Variants in GPR137C observed in about 807,000 individuals in gnomAD.
GPR137C encodes integral membrane protein GPR137C.
In GPR137C, 27 loss-of-function variants were observed where a neutral mutation model predicts 43.4. The observed-to-expected ratio is 0.62, with a 90% CI of 0.46 to 0.86. GPR137C has a LOEUF of 0.86. Ranked by LOEUF, GPR137C falls within the 40% of genes least tolerant of loss-of-function variation. The probability of loss-of-function intolerance (pLI) is 0.00; values close to 1 mark genes in which losing one functional copy is unlikely to be tolerated. For missense variants in GPR137C, 522 were observed against 534.6 expected (o/e 0.98, Z 0.23); for synonymous variants, 285 against 226.9 (o/e 1.26, Z -2.30).
chr14:52,567,461 TTACTG>T (rs1411612348), intron 1 of GPR137C, among the ~76,000 whole-genome samples: 2 of 152,172 alleles, frequency 1.3e-5, no homozygotes, highest in African/African-American at 4.8e-5. Flanking sequence ...CTTTATTTCT[TTACTG>T]TATGATTAAG....
intron 4 of GPR137C, among the ~76,000 whole-genome samples, chr14:52,633,316 A>C (rs2039314810): frequency 6.6e-6 from 1 of 152,120 alleles, no homozygotes; most frequent in Non-Finnish European, 1.5e-5. Context: ...TGAAAAAATT[A>C]ACTGCTTTTT....
chr14:52,603,535 G>T (rs1057457808), intron 3 of GPR137C, among the ~76,000 whole-genome samples: 1 of 151,982 alleles, frequency 6.6e-6, no homozygotes, highest in East Asian at 1.9e-4. Flanking sequence ...GCTTTTTGGG[G>T]TTGTTTGTTT....
chr14:52,553,598 C>G lies in GPR137C; in HGVS notation c.444+7C>G, dbSNP rs2038132847. ...CAACCTCTACCTGGCGGAGGTAAGG[C>G]GGGAGGGCCGGCATGCGGGGCCCGG... is the stretch of plus-strand genomic sequence containing the variant. On this transcript the variant is annotated splice_region_variant and intron_variant, in intron 1 of 6. Transcript: ENST00000321662. 7 of 1,535,288 alleles carry G rather than the reference C, an allele frequency of 4.6e-6. No individual in the cohort carries two copies. Among genetic ancestry groups the G allele is most frequent in the Non-Finnish European group, 5.3e-6 (6 of 1,135,968 alleles).
intron 3 of GPR137C, among the ~76,000 whole-genome samples, chr14:52,610,929 T>C (rs958754137): frequency 2.6e-5 from 4 of 152,236 alleles, no homozygotes; most frequent in African/African-American, 4.8e-5. Flanking sequence ...TGTTTACTTA[T>C]AATCTTTTAG....
chr14:52,556,473 CAG>C (rs1384859417), intron 1 of GPR137C, among the ~76,000 whole-genome samples: 1 of 147,954 alleles, frequency 6.8e-6, no homozygotes. Context: ...TTAAGCTTCT[CAG>C]TGTCTCATAC....
intron 3 of GPR137C, chr14:52,612,033 C>G: frequency 1.0e-6 from 1 of 985,162 alleles, no homozygotes; most frequent in South Asian, 4.7e-5. Context: ...TTTTGGTTTT[C>G]TTTTGTTTTT....
At chr14:52,598,360 C>A in intron 2 of GPR137C, 45 bp downstream of exon 2, 1 of 775,488 alleles carries the variant, frequency 1.3e-6, no homozygotes, top group Non-Finnish European at 2.1e-6. Context: ...AGATCTAAAG[C>A]ATTAATTCAT....
chr14:52,566,734 T>G (rs2038375984), intron 1 of GPR137C, among the ~76,000 whole-genome samples: 1 of 152,188 alleles, frequency 6.6e-6, no homozygotes, highest in African/African-American at 2.4e-5. Flanking sequence ...CTAGAATCAG[T>G]CATGGTTAAA....
chr14:52,593,305 G>A (rs751891655), intron 1 of GPR137C, among the ~76,000 whole-genome samples: 45 of 152,104 alleles, frequency 3.0e-4, no homozygotes, highest in South Asian at 1.7e-3. Context: ...TTTTTGTTGT[G>A]TCTCTGCCAG....
chr14:52,553,199 C>G lies in GPR137C; in HGVS notation c.52C>G (p.Arg18Gly). ...GGCCGCTGCCGCCCCCGCAGCCGGC[C>G]GCGAGCCCTCCACGCCCGGCGGGGG... is the stretch of plus-strand genomic sequence containing the variant. ...PAAAAAPAAG[R>G]EPSTPGGGSG... Residue 18 changes from arginine to glycine, a missense_variant, in exon 1 of 7, where the codon CGC becomes GGC. Around this residue, in one of 3 missense-constraint regions of GPR137C, gnomAD observed 437 missense variants for 425.7 expected, o/e 1.03. Coordinates refer to ENST00000321662, the MANE Select transcript of GPR137C (RefSeq NM_001099652.2). 2.5e-6 allele frequency: 3 copies of G among 1,216,564 alleles called. No homozygotes were observed. The highest frequency in any genetic ancestry group is 3.1e-6 in the Non-Finnish European group (3 of 979,062). The allele number at this position is 1,216,564 out of a possible 1,614,324, so 75.4% of individuals were successfully genotyped here.
intron 1 of GPR137C, among the ~76,000 whole-genome samples, chr14:52,579,487 A>G (rs926678053): frequency 6.6e-6 from 1 of 152,186 alleles, no homozygotes; most frequent in African/African-American, 2.4e-5. Flanking sequence ...AGATTCTGAA[A>G]TCACGTTGTT....
At chr14:52,629,994 T>C (rs1385470495) in intron 3 of GPR137C, among the ~76,000 whole-genome samples, 1 of 152,182 alleles carries the variant, frequency 6.6e-6, no homozygotes. Context: ...TGAGTTGAAT[T>C]GCTTGTTCTG....
chr14:52,564,777 A>G (rs922421256), intron 1 of GPR137C, among the ~76,000 whole-genome samples: 3 of 152,098 alleles, frequency 2.0e-5, no homozygotes, highest in Non-Finnish European at 4.4e-5. Flanking sequence ...TTAACATCTG[A>G]TGTGTATTAG....
intron 3 of GPR137C, chr14:52,612,525 C>T: frequency 5.1e-6 from 5 of 981,652 alleles, no homozygotes; most frequent in Non-Finnish European, 6.0e-6. Context: ...CCTCAGTTTA[C>T]AGAGCACTCA....
intron 1 of GPR137C, among the ~76,000 whole-genome samples, chr14:52,568,642 G>C (rs895269779): frequency 7.9e-5 from 12 of 152,190 alleles, no homozygotes; most frequent in Admixed American, 6.5e-4. Context: ...TGTAGAGTAG[G>C]CGATTTTCCC....
In GPR137C at chr14:52,553,184, G is replaced by T. The variant is rs957747527; in HGVS notation, c.37G>T (p.Ala13Ser). 20 of 1,198,760 alleles carry T rather than the reference G, an allele frequency of 1.7e-5. 1 individual carries two copies. The highest frequency in any genetic ancestry group is 1.1e-4 in the African/African-American group (7 of 62,866). 74.3% of individuals were successfully genotyped at this position (1,198,760 alleles called of 1,614,324 possible). The change falls in exon 1 of 7, where the codon GCC becomes TCC. Residue 13 changes from alanine to serine, a missense_variant. Transcript: ENST00000321662. Reference protein sequence around the residue: ...VSVPGPAAAAAPAAGREPSTP... With the variant: ...VSVPGPAAAASPAAGREPSTP... The stretch of plus-strand genomic sequence containing the variant: ...CGTGCCGGGTCCGGCGGCCGCTGCC[G>T]CCCCCGCAGCCGGCCGCGAGCCCTC...
chr14:52,621,433 A>G (rs1168147182), intron 3 of GPR137C, among the ~76,000 whole-genome samples: 3 of 151,922 alleles, frequency 2.0e-5, no homozygotes, highest in Non-Finnish European at 4.4e-5. Context: ...TACAGACTGA[A>G]AAGAAATAAA....
In GPR137C at chr14:52,636,824, A is replaced by T. The variant is rs1349826730; in HGVS notation, c.*1709A>T. 1 of 152,126 alleles carries T rather than the reference A, an allele frequency of 6.6e-6. No individual in the cohort carries two copies. Among genetic ancestry groups the T allele is most frequent in the Admixed American group, 6.6e-5 (1 of 15,246 alleles). 9.4% of individuals were successfully genotyped at this position (152,126 alleles called of 1,614,324 possible). A position where few individuals can be genotyped will look rare whatever the true frequency, so the allele number is the denominator to read the frequency against. On this transcript the variant is annotated 3_prime_UTR_variant, in exon 7 of 7. Transcript: ENST00000321662. The stretch of plus-strand genomic sequence containing the variant: ...ACCAAATTATTTTAAAATGTATAGT[A>T]TAAAAAGTTACCCGTGGTATTAAGT...
At chr14:52,573,097 T>C (rs1471074789) in intron 1 of GPR137C, among the ~76,000 whole-genome samples, 3 of 152,178 alleles carry the variant, frequency 2.0e-5, no homozygotes. Context: ...TGGAAAAACA[T>C]TGCATGCTCA....
Sources: gnomAD v4.1 joint callset for allele counts (sites outside exome capture counted in the v4.1 genomes callset) on GRCh38, gnomAD v4.1.1 for gene constraint, gnomAD v4.1.1 regional missense constraint, MANE v1.5 for transcripts, NCBI Gene and HGNC (gene_info 2026-07-23, HGNC 2026-07-21) for gene names.